PPARGC1A: variants seen among roughly 807,000 people sequenced by gnomAD.
PPARGC1A encodes the protein PPARG coactivator 1 alpha, also known as peroxisome proliferator-activated receptor gamma coactivator 1-alpha.
A neutral mutation model predicts 88.7 loss-of-function variants in PPARGC1A; 25 were observed. The observed-to-expected ratio is 0.28, with a 90% CI of 0.21 to 0.39. The LOEUF is 0.39. Ranked by LOEUF, PPARGC1A falls within the 10% of genes least tolerant of loss-of-function variation. PPARGC1A has a pLI of 1.00. For synonymous variants in PPARGC1A, 363 were observed against 355.6 expected (o/e 1.02, Z -0.24); for missense variants, 880 against 968.7 (o/e 0.91, Z 1.22).
At chr4:24,445,102 C>T in the PPARGC1A span, among the ~76,000 whole-genome samples, 1 of 151,970 alleles carries the variant, frequency 6.6e-6, no homozygotes, top group South Asian at 2.1e-4. Flanking sequence ...CTTGAGCATC[C>T]CTACACTGAC....
the PPARGC1A span, among the ~76,000 whole-genome samples, chr4:24,158,229 A>T: frequency 6.6e-6 from 1 of 152,140 alleles, no homozygotes; most frequent in Non-Finnish European, 1.5e-5. Flanking sequence ...TCCCCAGGGC[A>T]AATTCCCTGC....
the PPARGC1A span, among the ~76,000 whole-genome samples, chr4:24,307,160 C>T: frequency 6.6e-6 from 1 of 152,118 alleles, no homozygotes; most frequent in East Asian, 1.9e-4. Flanking sequence ...TGACTATAAT[C>T]ACTAGCAGTG....
chr4:24,394,230 G>T, the PPARGC1A span, among the ~76,000 whole-genome samples: 1 of 152,212 alleles, frequency 6.6e-6, no homozygotes, highest in Middle Eastern at 3.2e-3. Context: ...AATTACTCAT[G>T]TGGTAACTCG....
chr4:24,405,275 A>C, the PPARGC1A span, among the ~76,000 whole-genome samples: 1 of 152,182 alleles, frequency 6.6e-6, no homozygotes, highest in East Asian at 1.9e-4. Flanking sequence ...AAGTTGTATG[A>C]AAAGGTGGTT....
the PPARGC1A span, among the ~76,000 whole-genome samples, chr4:24,448,686 AC>A: frequency 6.6e-6 from 1 of 152,014 alleles, no homozygotes; most frequent in East Asian, 1.9e-4. Context: ...CTGGAACACT[AC>A]CCAGAAGATC....
chr4:24,335,662 G>A, the PPARGC1A span, among the ~76,000 whole-genome samples: 4 of 152,148 alleles, frequency 2.6e-5, no homozygotes, highest in Non-Finnish European at 4.4e-5. Context: ...ATAAGCGCGA[G>A]GGTACGTTAC....
At chr4:24,038,399 T>A in the PPARGC1A span, among the ~76,000 whole-genome samples, 1 of 152,140 alleles carries the variant, frequency 6.6e-6, no homozygotes, top group Admixed American at 6.6e-5. Flanking sequence ...GTAGCACCTA[T>A]CCTCCATAAC....
chr4:24,001,471 G>T, the PPARGC1A span, among the ~76,000 whole-genome samples: 2 of 151,964 alleles, frequency 1.3e-5, no homozygotes, highest in Non-Finnish European at 2.9e-5. Context: ...AAGTGAGAAC[G>T]TCTTCAAAAA....
At chr4:24,387,868 G>GAA in the PPARGC1A span, among the ~76,000 whole-genome samples, 1 of 80,570 alleles carries the variant, frequency 1.2e-5, no homozygotes, top group African/African-American at 4.6e-5. Context: ...AAGAGAGAAA[G>GAA]GAAGAAAGAG....
Position 23,802,588 on chromosome 4 carries a change from A to C in PPARGC1A, c.2020-243T>G, listed in dbSNP as rs911726185. Among the ~76,000 whole-genome samples, 2 of 149,868 alleles carry C rather than the reference A, an allele frequency of 1.3e-5. 1 individual carries two copies. Among genetic ancestry groups the C allele is most frequent in the African/African-American group, 4.9e-5 (2 of 40,718 alleles). On this transcript the variant is annotated intron_variant, in intron 10 of 12. Coordinates refer to ENST00000264867, the MANE Select transcript of PPARGC1A (RefSeq NM_013261.5). Reference sequence around the variant, plus strand: ...AGCTACTCAGGAGGCTGACGCAGAGAATTGCTTGAACCCGGGAGGCAGAGG... The same window carrying C: ...AGCTACTCAGGAGGCTGACGCAGAGCATTGCTTGAACCCGGGAGGCAGAGG...
the PPARGC1A span, among the ~76,000 whole-genome samples, chr4:24,414,234 C>CAGA: frequency 6.6e-6 from 1 of 152,168 alleles, no homozygotes; most frequent in Non-Finnish European, 1.5e-5. Flanking sequence ...AAAGCGATTT[C>CAGA]ATGTACATTT....
At chr4:24,211,939 C>T in the PPARGC1A span, among the ~76,000 whole-genome samples, 4 of 152,158 alleles carry the variant, frequency 2.6e-5, no homozygotes, top group Non-Finnish European at 5.9e-5. Context: ...CTTATCATCA[C>T]TCTCTGGGTT....
chr4:23,927,432 G>A, the PPARGC1A span, among the ~76,000 whole-genome samples: 5 of 152,142 alleles, frequency 3.3e-5, no homozygotes, highest in African/African-American at 1.2e-4. Context: ...ATCAAGAAAA[G>A]GTTTATGGTT....
chr4:24,224,873 T>C, the PPARGC1A span, among the ~76,000 whole-genome samples: 1 of 152,116 alleles, frequency 6.6e-6, no homozygotes, highest in East Asian at 1.9e-4. Context: ...GTGATGTTTG[T>C]GAAAAGACTT....
intron 1 of PPARGC1A, among the ~76,000 whole-genome samples, chr4:23,898,143 T>A (rs1383196822): frequency 6.6e-6 from 1 of 152,188 alleles, no homozygotes; most frequent in Non-Finnish European, 1.5e-5. Context: ...TTATATTTGG[T>A]AAAAGACTGT....
At chr4:24,472,717 T>C in the PPARGC1A span, among the ~76,000 whole-genome samples, 1 of 150,558 alleles carries the variant, frequency 6.6e-6, no homozygotes, top group Middle Eastern at 3.5e-3. The surrounding 1 kb of genome is among the most constrained non-coding windows in gnomAD (Gnocchi z 4.5). Context: ...GGTACCTAGA[T>C]AGGTTCGTCC....
At chr4:24,389,951 A>G in the PPARGC1A span, among the ~76,000 whole-genome samples, 1 of 152,202 alleles carries the variant, frequency 6.6e-6, no homozygotes. Context: ...GGGAAAAACT[A>G]GTTGAGAGTT....
chr4:24,177,955 TAA>T, the PPARGC1A span, among the ~76,000 whole-genome samples: 1 of 152,208 alleles, frequency 6.6e-6, no homozygotes, highest in Non-Finnish European at 1.5e-5. Context: ...GGTTACCTTG[TAA>T]GGGAACTGGA....
Position 23,814,617 on chromosome 4 carries a change from A to AT in PPARGC1A, c.878-13dup, listed in dbSNP as rs775049673. On this transcript the variant is annotated splice_polypyrimidine_tract_variant and intron_variant, in intron 7 of 12. Transcript: ENST00000264867. ...GGGTGGAGTTAGGCCTAAGGCAAAAATTAAAAAAAAAAAAAAAAAGAGAGA... is the reference window on the plus strand; with the variant it reads ...GGGTGGAGTTAGGCCTAAGGCAAAAATTTAAAAAAAAAAAAAAAAAGAGAGA... 18 of 1,417,222 alleles carry AT rather than the reference A, an allele frequency of 1.3e-5. No individual in the cohort carries two copies. The African/African-American group carries it at 2.3e-4, about 18-fold the overall frequency. The allele number at this position is 1,417,222 out of a possible 1,614,324, so 87.8% of individuals were successfully genotyped here.
Sources: gnomAD v4.1 joint callset for allele counts (sites outside exome capture counted in the v4.1 genomes callset) on GRCh38, gnomAD v4.1.1 for gene constraint, Gnocchi (gnomAD v3.1) non-coding constraint, MANE v1.5 for transcripts, NCBI Gene and HGNC (gene_info 2026-07-23, HGNC 2026-07-21) for gene names.